Variants in SND1 observed in about 807,000 individuals in gnomAD.
SND1 encodes staphylococcal nuclease and tudor domain containing 1.
In SND1, 38 loss-of-function variants were observed where a neutral mutation model predicts 121.7. The observed-to-expected ratio is 0.31, with a 90% CI of 0.24 to 0.41. The LOEUF is 0.41. SND1 is among the 10% of genes least tolerant of loss of function. The probability of loss-of-function intolerance (pLI) is 1.00; values close to 1 mark genes in which losing one functional copy is unlikely to be tolerated. For synonymous variants in SND1, 401 were observed against 447.4 expected (o/e 0.90, Z 1.31); for missense variants, 868 against 1,184.6 (o/e 0.73, Z 3.92).
At chr7:127,857,919 G>C in intron 12 of SND1, 1 of 1,379,108 alleles carries the variant, frequency 7.3e-7, no homozygotes, top group Non-Finnish European at 1.0e-6. Context: ...GCTTCCGGCA[G>C]TAAACACCAT....
chr7:127,676,655 A>G (rs954318730), intron 1 of SND1, among the ~76,000 whole-genome samples: 1 of 152,230 alleles, frequency 6.6e-6, no homozygotes, highest in African/African-American at 2.4e-5. Flanking sequence ...CTTAACTGAT[A>G]AATCAAGGGA....
At chr7:127,763,751 TG>T (rs1797352729) in intron 10 of SND1, among the ~76,000 whole-genome samples, 1 of 152,002 alleles carries the variant, frequency 6.6e-6, no homozygotes, top group South Asian at 2.1e-4. Context: ...TAAGTAGTTA[TG>T]AGGATACTTT....
At chr7:127,719,602 TAGG>T (rs1484554354) in intron 9 of SND1, among the ~76,000 whole-genome samples, 1 of 152,252 alleles carries the variant, frequency 6.6e-6, no homozygotes, top group Non-Finnish European at 1.5e-5. Context: ...AAAAAGGTTA[TAGG>T]AGAATGGTTA....
chr7:127,778,165 C>T (rs1003199236), intron 10 of SND1, among the ~76,000 whole-genome samples: 3 of 138,520 alleles, frequency 2.2e-5, no homozygotes, highest in African/African-American at 9.0e-5. Flanking sequence ...TTGCCAGTCC[C>T]ATTTATTTGT....
Position 127,708,374 on chromosome 7 carries a change from T to TCTTC in SND1, c.1038+740_1038+743dup, listed in dbSNP as rs375661548. Among the ~76,000 whole-genome samples the TCTTC allele has an allele frequency of 5.6e-3, 839 of 149,142 alleles. 13 individuals carry two copies. Among genetic ancestry groups the TCTTC allele is most frequent in the African/African-American group, 0.019 (781 of 40,520 alleles). ...TTCTCCCTCCCTCCCTTCCTTCCTT[T>TCTTC]CTTCCTTCCTTCCTTCTTCCCTTCC... On this transcript the variant is annotated intron_variant, in intron 9 of 23. Coordinates refer to ENST00000354725, the MANE Select transcript of SND1 (RefSeq NM_014390.4).
rs757334797 is a variant in SND1, at chr7:128,074,487, GTC to G, written c.1780-9_1780-8del. The G allele has an allele frequency of 9.9e-5, 158 of 1,604,006 alleles. 2 individuals are homozygous for G. The Admixed American group carries it at 2.5e-3, about 25-fold the overall frequency. On this transcript the variant is annotated splice_polypyrimidine_tract_variant and intron_variant, in intron 16 of 23. Transcript: ENST00000354725. ...GCCTGGCCCCCACAGGCTTACGCCT[GTC>G]TCTCTGTCCCAGGTGGAGGTGGAGG...
chr7:128,089,201 T>C (rs1212147460), intron 21 of SND1, among the ~76,000 whole-genome samples: 1 of 152,120 alleles, frequency 6.6e-6, no homozygotes, highest in East Asian at 1.9e-4. Flanking sequence ...ATTACAGGCA[T>C]GCACCCCATG....
At chr7:127,696,456 C>G (rs956505845) in intron 3 of SND1, among the ~76,000 whole-genome samples, 1 of 152,108 alleles carries the variant, frequency 6.6e-6, no homozygotes, top group Non-Finnish European at 1.5e-5. Context: ...AGAAACAAAA[C>G]GCTTAAAGAT....
chr7:127,670,220 C>A (rs1035419818), intron 1 of SND1, among the ~76,000 whole-genome samples: 1 of 152,082 alleles, frequency 6.6e-6, no homozygotes, highest in African/African-American at 2.4e-5. Flanking sequence ...AACTCCTGAT[C>A]TCAGATTATC....
chr7:127,880,332 A>G (rs770780495), intron 12 of SND1, among the ~76,000 whole-genome samples: 65 of 152,322 alleles, frequency 4.3e-4, no homozygotes, highest in Admixed American at 3.3e-4. Context: ...GTATGTATAT[A>G]TAGGAAAAAA....
At chr7:127,775,733 A>G (rs1227867760) in intron 10 of SND1, among the ~76,000 whole-genome samples, 1 of 151,938 alleles carries the variant, frequency 6.6e-6, no homozygotes, top group Non-Finnish European at 1.5e-5. Context: ...CTTCTTTTTG[A>G]GATGGGGTCT....
At chr7:127,881,476 C>G (rs1799788945) in intron 12 of SND1, among the ~76,000 whole-genome samples, 1 of 152,034 alleles carries the variant, frequency 6.6e-6, no homozygotes, top group Admixed American at 6.6e-5. Flanking sequence ...GTAGTATATT[C>G]CTTTTAAGTT....
chr7:128,051,166 A>G (rs910191681), intron 16 of SND1, among the ~76,000 whole-genome samples: 2 of 152,156 alleles, frequency 1.3e-5, no homozygotes, highest in African/African-American at 4.8e-5. Context: ...AGTGTCACCA[A>G]ATCCTTCCCA....
chr7:127,968,274 A>G (rs560134099), intron 15 of SND1, among the ~76,000 whole-genome samples: 3 of 152,382 alleles, frequency 2.0e-5, no homozygotes, highest in Admixed American at 1.3e-4. Flanking sequence ...ACCTCCTGTC[A>G]ATCAAATATC....
Position 127,702,533 on chromosome 7 carries a change from C to T in SND1, c.681+7C>T, listed in dbSNP as rs780634007. The T allele has an allele frequency of 2.5e-6, 4 of 1,612,202 alleles. No homozygotes were observed. The highest frequency in any genetic ancestry group is 3.4e-6 in the Non-Finnish European group (4 of 1,178,284). On this transcript the variant is annotated splice_region_variant and intron_variant, in intron 6 of 23. Transcript: ENST00000354725. ...CATGCTGTCAGGCATCAAGGTCAGA[C>T]CATACTCTTGGCTACGTGGTGGGTT...
intron 10 of SND1, among the ~76,000 whole-genome samples, chr7:127,744,718 C>T (rs1368846270): frequency 6.6e-6 from 1 of 152,118 alleles, no homozygotes; most frequent in Non-Finnish European, 1.5e-5. Context: ...TAATCTTGGT[C>T]CTTTTGCCCT....
intron 5 of SND1, 39 bp from the exon 6 acceptor site, chr7:127,702,396 T>A (rs1796120249): frequency 1.3e-6 from 2 of 1,571,144 alleles, no homozygotes; most frequent in Non-Finnish European, 1.8e-6. Flanking sequence ...CTTGTTAGGA[T>A]GTTTGCTAAG....
At chr7:127,897,870 T>C (rs1224642931) in intron 13 of SND1, among the ~76,000 whole-genome samples, 1 of 152,146 alleles carries the variant, frequency 6.6e-6, no homozygotes, top group Non-Finnish European at 1.5e-5. Flanking sequence ...GAGTCATTGT[T>C]TCCTGAAATT....
chr7:127,680,085 A>C (rs1795690219), intron 1 of SND1, among the ~76,000 whole-genome samples: 1 of 152,182 alleles, frequency 6.6e-6, no homozygotes, highest in African/African-American at 2.4e-5. Context: ...GAGACGTCAC[A>C]TGTCGGTAGG....
Sources: allele counts gnomAD v4.1 joint callset (sites outside exome capture counted in the v4.1 genomes callset), GRCh38; gene constraint gnomAD v4.1.1; transcripts MANE v1.5; gene names NCBI Gene and HGNC (gene_info 2026-07-23, HGNC 2026-07-21).